PHEX: variants seen among roughly 807,000 people sequenced by gnomAD.
PHEX encodes phosphate-regulating neutral endopeptidase PHEX.
PHEX carries 16 observed loss-of-function variants against 68.0 expected under a neutral mutation model. The observed-to-expected ratio is 0.24, with a 90% CI of 0.16 to 0.36. PHEX has a LOEUF of 0.36. PHEX is among the 10% of genes least tolerant of loss of function. PHEX has a pLI of 1.00. For synonymous variants in PHEX, 208 were observed against 205.1 expected (o/e 1.01, Z -0.12); for missense variants, 480 against 575.5 (o/e 0.83, Z 1.70).
intron 17 of PHEX, 38 bp downstream of exon 17, chrX:22,219,141 A>G (rs1295732634): frequency 3.5e-6 from 3 of 869,113 alleles, no homozygotes; most frequent in South Asian, 4.0e-5. Context: ...CTGCTTTTAT[A>G]ATAATGTTGA....
At chrX:22,235,833 A>AT (rs368174072) in intron 20 of PHEX, among the ~76,000 whole-genome samples, 3,531 of 105,787 alleles carry the variant, frequency 0.033, 150 homozygotes, top group African/African-American at 0.11. Flanking sequence ...TGACTTCAGC[A>AT]TTTTTTTTTT....
chrX:22,151,072 C>A (rs183848181), intron 12 of PHEX, among the ~76,000 whole-genome samples: 84 of 111,991 alleles, frequency 7.5e-4, no homozygotes, highest in Non-Finnish European at 1.2e-3. Context: ...TTGTCTAAGG[C>A]GACAGAGGCT....
chrX:22,129,600 T>A (rs1723539379), intron 11 of PHEX, among the ~76,000 whole-genome samples: 1 of 111,408 alleles, frequency 9.0e-6, no homozygotes, highest in African/African-American at 3.3e-5. Flanking sequence ...TAAGTCTGTC[T>A]CATATCTAAG....
chrX:22,133,867 C>T (rs921504734), intron 12 of PHEX, among the ~76,000 whole-genome samples: 2 of 112,122 alleles, frequency 1.8e-5, no homozygotes, highest in Admixed American at 1.9e-4. Context: ...TTTCCTTTCT[C>T]CTAATTGCTG....
chrX:22,080,169 A>G (rs1405067496), intron 5 of PHEX, among the ~76,000 whole-genome samples: 10 of 111,789 alleles, frequency 8.9e-5, no homozygotes, highest in South Asian at 3.7e-4. Context: ...CCAATTTTTA[A>G]TAGCTTGCCT....
chrX:22,054,815 C>T, intron 3 of PHEX, among the ~76,000 whole-genome samples: 1 of 110,624 alleles, frequency 9.0e-6, no homozygotes, highest in Middle Eastern at 4.6e-3. Flanking sequence ...TTTTCCTGCT[C>T]TGATATACCG....
At chrX:22,136,204 T>A (rs1233469945) in intron 12 of PHEX, among the ~76,000 whole-genome samples, 1 of 111,514 alleles carries the variant, frequency 9.0e-6, no homozygotes, top group African/African-American at 3.3e-5. Flanking sequence ...TTGCCCTTTT[T>A]CTCTGCTGTC....
At position 22,249,455 on chromosome X, in the gene PHEX, A is replaced by AAAAATATATATAT; in HGVS notation, c.*1503_*1504insAAATATATATATA. On this transcript the variant is annotated 3_prime_UTR_variant, in exon 22 of 22. Coordinates refer to ENST00000379374, the MANE Select transcript of PHEX (RefSeq NM_000444.6). Reference sequence around the variant, plus strand: ...TTGTGATTCTTTTAAAAAAAAAAAAAATATATATATATATATATATATATA... The same window carrying AAAAATATATATAT: ...TTGTGATTCTTTTAAAAAAAAAAAAAAAAATATATATATATATATATATATATATATATATATA... 8.2e-3 allele frequency: 326 copies of AAAAATATATATAT among 39,676 alleles called. 4 individuals are homozygous for AAAAATATATATAT. The highest frequency in any genetic ancestry group is 0.012 in the Non-Finnish European group (296 of 24,401). 3.3% of individuals were successfully genotyped at this position (39,676 alleles called of 1,213,427 possible).
chrX:22,196,646 C>T (rs1173287802), intron 15 of PHEX, among the ~76,000 whole-genome samples: 1 of 112,209 alleles, frequency 8.9e-6, no homozygotes, highest in Non-Finnish European at 1.9e-5. Flanking sequence ...TTGAAAAGCG[C>T]CTCATTTAAG....
intron 18 of PHEX, among the ~76,000 whole-genome samples, chrX:22,222,293 A>C (rs1425746633): frequency 1.8e-5 from 2 of 111,977 alleles, no homozygotes; most frequent in Non-Finnish European, 3.8e-5. Context: ...TATATAGTGC[A>C]GGGGTTTTCA....
intron 20 of PHEX, among the ~76,000 whole-genome samples, chrX:22,235,006 G>A (rs749858661): frequency 2.2e-4 from 24 of 111,591 alleles, no homozygotes; most frequent in South Asian, 1.9e-3. Context: ...TGCGAAGACC[G>A]TGGGGAAAGT....
intron 20 of PHEX, among the ~76,000 whole-genome samples, chrX:22,240,591 A>AC (rs1285096625): frequency 6.3e-5 from 7 of 110,733 alleles, no homozygotes; most frequent in Admixed American, 1.9e-4. Context: ...CAAAAAAAAA[A>AC]CAGAGGTTGC....
chrX:22,105,442 G>A (rs1272467374), intron 9 of PHEX, among the ~76,000 whole-genome samples: 1 of 111,997 alleles, frequency 8.9e-6, no homozygotes, highest in East Asian at 2.8e-4. Context: ...CTGGCGGTAA[G>A]GCCTAGGAAT....
chrX:22,148,908 G>A (rs1417488909), intron 12 of PHEX, among the ~76,000 whole-genome samples: 3 of 111,414 alleles, frequency 2.7e-5, no homozygotes, highest in African/African-American at 9.8e-5. Flanking sequence ...AACTGTGATG[G>A]GGAAAGGATT....
intron 12 of PHEX, among the ~76,000 whole-genome samples, chrX:22,166,849 C>T (rs907572791): frequency 8.1e-5 from 9 of 111,613 alleles, no homozygotes; most frequent in African/African-American, 2.3e-4. Context: ...CTTTAAATTT[C>T]GCATGAATGA....
intron 1 of PHEX, among the ~76,000 whole-genome samples, chrX:22,037,139 C>G (rs778979603): frequency 2.8e-5 from 3 of 108,548 alleles, no homozygotes; most frequent in Admixed American, 1.0e-4. Context: ...GTTTCATCGG[C>G]AGTTTTCTTG....
chrX:22,243,839 G>A (rs761915763), intron 20 of PHEX, among the ~76,000 whole-genome samples: 8 of 112,184 alleles, frequency 7.1e-5, no homozygotes, highest in South Asian at 7.6e-4. Flanking sequence ...TGGTGGGAGC[G>A]TAAACTAGTT....
chrX:22,100,848 T>G (rs765518010), intron 9 of PHEX, among the ~76,000 whole-genome samples: 1 of 111,553 alleles, frequency 9.0e-6, no homozygotes, highest in Non-Finnish European at 1.9e-5. Context: ...CCTTAGATGT[T>G]ATGTACACAT....
chrX:22,245,275 A>G (rs930436927), intron 20 of PHEX, 58 bp from the exon 21 acceptor site: 1 of 934,598 alleles, frequency 1.1e-6, no homozygotes, highest in African/African-American at 1.9e-5. Flanking sequence ...CAGTTAAAAC[A>G]GCAGAAAATA....
Sources: allele counts gnomAD v4.1 joint callset (sites outside exome capture counted in the v4.1 genomes callset), GRCh38; gene constraint gnomAD v4.1.1; transcripts MANE v1.5; gene names NCBI Gene and HGNC (gene_info 2026-07-23, HGNC 2026-07-21).